The following GPC5 variants were observed in gnomAD, a reference collection of about 807,000 sequenced individuals.
GPC5 encodes the protein glypican 5.
In GPC5, 47 loss-of-function variants were observed where a neutral mutation model predicts 53.9. The observed-to-expected ratio is 0.87, with a 90% CI of 0.69 to 1.11. The LOEUF is 1.11. Ranked by LOEUF, GPC5 falls within the 50% of genes most tolerant of loss-of-function variation. GPC5 has a pLI of 0.00. For synonymous variants in GPC5, 286 were observed against 263.3 expected (o/e 1.09, Z -0.84); for missense variants, 748 against 713.1 (o/e 1.05, Z -0.56).
chr13:91,972,917 G>A (rs1304657655), intron 6 of GPC5, among the ~76,000 whole-genome samples: 3 of 151,888 alleles, frequency 2.0e-5, no homozygotes, highest in South Asian at 2.1e-4. Context: ...CTTCATTTCA[G>A]CTTTGGTGAA....
intron 7 of GPC5, among the ~76,000 whole-genome samples, chr13:92,671,338 T>C (rs1241881548): frequency 6.6e-6 from 1 of 152,236 alleles, no homozygotes; most frequent in Non-Finnish European, 1.5e-5. Context: ...CAGCCATGGA[T>C]TCACTGAAAT....
At chr13:91,585,862 T>G (rs1241259083) in intron 2 of GPC5, among the ~76,000 whole-genome samples, 1 of 152,138 alleles carries the variant, frequency 6.6e-6, no homozygotes, top group Non-Finnish European at 1.5e-5. Context: ...TGTGAAAAAG[T>G]AAAAACCTGA....
chr13:92,143,339 T>C (rs910413275), intron 6 of GPC5, among the ~76,000 whole-genome samples: 7 of 152,182 alleles, frequency 4.6e-5, no homozygotes, highest in African/African-American at 1.7e-4. Flanking sequence ...TTATCATTTA[T>C]ATAATGGTAT....
chr13:92,042,218 T>C (rs982085504), intron 6 of GPC5, among the ~76,000 whole-genome samples: 2 of 152,104 alleles, frequency 1.3e-5, no homozygotes, highest in Admixed American at 1.3e-4. Context: ...CCGTGGAACT[T>C]AACAACCACA....
intron 1 of GPC5, among the ~76,000 whole-genome samples, chr13:91,410,071 TTC>T (rs1311100298): frequency 6.6e-6 from 1 of 152,192 alleles, no homozygotes; most frequent in Non-Finnish European, 1.5e-5. Context: ...TAGGTTAGTC[TTC>T]ACTCCATCAC....
intron 1 of GPC5, among the ~76,000 whole-genome samples, chr13:91,410,526 T>G (rs1271017391): frequency 2.6e-5 from 4 of 151,676 alleles, no homozygotes; most frequent in African/African-American, 9.7e-5. Context: ...TTTTGTATTT[T>G]TAGTAGAGAC....
chr13:91,991,405 T>A (rs1034835675), intron 6 of GPC5, among the ~76,000 whole-genome samples: 1 of 152,246 alleles, frequency 6.6e-6, no homozygotes, highest in Non-Finnish European at 1.5e-5. Flanking sequence ...ATAAATGACA[T>A]TTAAAATATA....
chr13:92,425,696 T>C (rs978711851), intron 7 of GPC5, among the ~76,000 whole-genome samples: 2 of 152,122 alleles, frequency 1.3e-5, no homozygotes, highest in Non-Finnish European at 2.9e-5. Flanking sequence ...GCCTTTATTA[T>C]TTTTTAATCA....
At chr13:91,427,849 A>G (rs988748601) in intron 1 of GPC5, among the ~76,000 whole-genome samples, 3 of 152,108 alleles carry the variant, frequency 2.0e-5, no homozygotes, top group African/African-American at 7.2e-5. Flanking sequence ...TGTTTCCCCC[A>G]TGCTGTTCTC....
At chr13:92,530,867 A>G (rs1405662134) in intron 7 of GPC5, among the ~76,000 whole-genome samples, 2 of 152,166 alleles carry the variant, frequency 1.3e-5, no homozygotes, top group South Asian at 2.1e-4. Context: ...TACATAAATG[A>G]CGATCTTCCT....
intron 7 of GPC5, among the ~76,000 whole-genome samples, chr13:92,718,960 T>C (rs1888420114): frequency 6.6e-6 from 1 of 151,742 alleles, no homozygotes; most frequent in South Asian, 2.1e-4. Context: ...AAAGGAAGGA[T>C]AAATGCTTGA....
intron 2 of GPC5, among the ~76,000 whole-genome samples, chr13:91,689,801 A>G (rs1366081500): frequency 1.3e-5 from 2 of 152,088 alleles, no homozygotes; most frequent in Non-Finnish European, 2.9e-5. Context: ...CTGTGATAAC[A>G]ATGCCTTCCT....
chr13:92,376,249 A>G (rs1157251453), intron 7 of GPC5, among the ~76,000 whole-genome samples: 2 of 152,110 alleles, frequency 1.3e-5, no homozygotes, highest in African/African-American at 4.8e-5. Flanking sequence ...ATTTCTTCAG[A>G]GATTTATTCT....
At chr13:92,568,327 C>T (rs1882922112) in intron 7 of GPC5, among the ~76,000 whole-genome samples, 1 of 152,064 alleles carries the variant, frequency 6.6e-6, no homozygotes, top group Non-Finnish European at 1.5e-5. Flanking sequence ...GACAGTTCAC[C>T]ATACTTAGCT....
intron 7 of GPC5, among the ~76,000 whole-genome samples, chr13:92,439,819 A>G (rs186198863): frequency 1.1e-3 from 160 of 152,252 alleles, no homozygotes; most frequent in African/African-American, 3.8e-3. Flanking sequence ...ATAGTCAGCT[A>G]GAAGTTAGGT....
chr13:91,582,245 A>G (rs1049855484), intron 2 of GPC5, among the ~76,000 whole-genome samples: 1 of 152,218 alleles, frequency 6.6e-6, no homozygotes, highest in Admixed American at 6.5e-5. Context: ...GAAACCAGAC[A>G]TAGAACAATC....
At chr13:92,290,084 G>T (rs1310505701) in intron 7 of GPC5, among the ~76,000 whole-genome samples, 1 of 152,052 alleles carries the variant, frequency 6.6e-6, no homozygotes, top group African/African-American at 2.4e-5. Context: ...TGGCAATTAT[G>T]GGATTTGTGT....
chr13:91,653,732 ACAT>A (rs1235847171), intron 2 of GPC5, among the ~76,000 whole-genome samples: 1 of 152,134 alleles, frequency 6.6e-6, no homozygotes, highest in African/African-American at 2.4e-5. Flanking sequence ...CTAAGTTAAA[ACAT>A]CATAGGCAAG....
chr13:92,590,112 G>T (rs1883668080), intron 7 of GPC5, among the ~76,000 whole-genome samples: 5 of 152,078 alleles, frequency 3.3e-5, no homozygotes, highest in Admixed American at 3.3e-4. Context: ...GGCCCCCATG[G>T]CCAGGGATCT....
Sources: gnomAD v4.1 joint callset for allele counts (sites outside exome capture counted in the v4.1 genomes callset) on GRCh38, gnomAD v4.1.1 for gene constraint, MANE v1.5 for transcripts, NCBI Gene and HGNC (gene_info 2026-07-23, HGNC 2026-07-21) for gene names.